The following OVOL2 variants were observed in gnomAD, a reference collection of about 807,000 sequenced individuals.
The protein encoded by OVOL2 is ovo like zinc finger 2.
Under a neutral mutation model 18.1 loss-of-function variants are expected in OVOL2, and 13 were observed. The observed-to-expected ratio is 0.72, with a 90% CI of 0.47 to 1.14. The LOEUF (loss-of-function observed/expected upper bound fraction) is 1.14, where lower values mean the gene tolerates loss of function less well. OVOL2 is among the 50% of genes most tolerant of loss of function. The pLI is 0.00. For missense variants in OVOL2, 335 were observed against 383.0 expected, an observed-to-expected ratio of 0.87 and a Z score of 1.05; for synonymous variants, 166 against 162.7, an observed-to-expected ratio of 1.02 and a Z score of -0.16.
Position 18,057,020 on chromosome 20 carries a change from C to A in OVOL2, c.101-143G>T. 1 of 944,978 alleles carries A rather than the reference C, an allele frequency of 1.1e-6. No individual in the cohort carries two copies. The highest frequency in any genetic ancestry group is 1.5e-6 in the Non-Finnish European group (1 of 688,740). The allele number at this position is 944,978 out of a possible 1,614,324, so 58.5% of individuals were successfully genotyped here. On this transcript the variant is annotated intron_variant, in intron 1 of 3. Coordinates refer to ENST00000278780, the MANE Select transcript of OVOL2 (RefSeq NM_021220.4). This position sits in a 1 kb window ranked among gnomAD's most constrained non-coding sequence, Gnocchi z 6.3. The stretch of plus-strand genomic sequence containing the variant: ...AAGTGGGCAACGTCGCGGGGGAGGC[C>A]AGTAAGCCCCGAATCGGCCCACAGA...
At chr20:18,044,578 C>T (rs146627284) in intron 2 of OVOL2, among the ~76,000 whole-genome samples, 486 of 152,230 alleles carry the variant, frequency 3.2e-3, no homozygotes, top group African/African-American at 0.011. Context: ...TTGATAAGTC[C>T]CTGATCTGTG....
intron 2 of OVOL2, among the ~76,000 whole-genome samples, chr20:18,052,039 C>G (rs558564224): frequency 6.6e-6 from 1 of 152,280 alleles, no homozygotes; most frequent in Non-Finnish European, 1.5e-5. Flanking sequence ...GGCGCCTGGT[C>G]TAATTGTTAA....
At chr20:18,036,907 C>T (rs1031080030) in intron 3 of OVOL2, among the ~76,000 whole-genome samples, 6 of 152,000 alleles carry the variant, frequency 3.9e-5, no homozygotes, top group African/African-American at 9.7e-5. Flanking sequence ...GAGGCCGAGG[C>T]GGGCGGATCA....
chr20:18,045,318 C>T (rs927558791), intron 2 of OVOL2, among the ~76,000 whole-genome samples: 9 of 152,206 alleles, frequency 5.9e-5, no homozygotes, highest in African/African-American at 2.2e-4. Context: ...GACAATTACC[C>T]TGGTAATTCC....
At chr20:18,026,671 G>A (rs531211987) in intron 3 of OVOL2, among the ~76,000 whole-genome samples, 66 of 152,238 alleles carry the variant, frequency 4.3e-4, no homozygotes, top group African/African-American at 1.5e-3. Flanking sequence ...GTGAGCCACC[G>A]CGCCGGGCCC....
At chr20:18,040,830 C>T (rs1386658771) in intron 3 of OVOL2, among the ~76,000 whole-genome samples, 2 of 152,166 alleles carry the variant, frequency 1.3e-5, no homozygotes, top group Non-Finnish European at 2.9e-5. Flanking sequence ...AGGAGGAACA[C>T]GATGCTATCC....
Position 18,045,113 on chromosome 20 carries a change from C to T in OVOL2, c.322-3390G>A, listed in dbSNP as rs564461840. ...CTCACTCCCCAGAACTGCAGCTGCC[C>T]ACCTCTACCCAAGGCTTTCCTATCA... On this transcript the variant is annotated intron_variant, in intron 2 of 3. Coordinates refer to ENST00000278780, the MANE Select transcript of OVOL2 (RefSeq NM_021220.4). Among the ~76,000 whole-genome samples, 155 of 152,306 alleles carry T rather than the reference C, an allele frequency of 1.0e-3. 1 individual carries two copies. Among genetic ancestry groups the T allele is most frequent in the African/African-American group, 3.4e-3 (141 of 41,560 alleles).
At chr20:18,032,754 G>T (rs956067830) in intron 3 of OVOL2, among the ~76,000 whole-genome samples, 3 of 152,032 alleles carry the variant, frequency 2.0e-5, no homozygotes, top group African/African-American at 7.2e-5. Flanking sequence ...TGATCAGCCC[G>T]CCTCGGCCTC....
Position 18,024,402 on chromosome 20 carries a change from A to T in OVOL2, c.*234T>A, listed in dbSNP as rs1320670075. 2.5e-6 allele frequency: 2 copies of T among 808,106 alleles called. No individual in the cohort carries two copies. The highest frequency in any genetic ancestry group is 3.4e-6 in the Non-Finnish European group (2 of 580,836). 50.1% of individuals were successfully genotyped at this position (808,106 alleles called of 1,614,324 possible). A position where few individuals can be genotyped will look rare whatever the true frequency, so the allele number is the denominator to read the frequency against. On this transcript the variant is annotated 3_prime_UTR_variant, in exon 4 of 4. Transcript: ENST00000278780. ...CTTGGCCATCAGGATCATGAAAACA[A>T]ACTTTGGTGAATGTGAGCAACTGCG...
rs555102720 is a variant in OVOL2, at chr20:18,041,903, C to CT, written c.322-181dup. ...GTAACAACTGGCAGTTCCTCCCACC[C>CT]TTTTTTTTTTTTTTTTTTCTTTTTG... On this transcript the variant is annotated intron_variant, in intron 2 of 3. Coordinates refer to ENST00000278780, the MANE Select transcript of OVOL2 (RefSeq NM_021220.4). Among the ~76,000 whole-genome samples the CT allele has an allele frequency of 2.2e-3, 280 of 128,022 alleles. 1 individual carries two copies. The highest frequency in any genetic ancestry group is 8.1e-3 in the Middle Eastern group (2 of 248). The allele number at this position is 128,022 out of a possible 152,430, so 84.0% of individuals were successfully genotyped here.
chr20:18,028,469 G>T (rs1051047882), intron 3 of OVOL2, among the ~76,000 whole-genome samples: 7 of 151,986 alleles, frequency 4.6e-5, no homozygotes, highest in African/African-American at 1.7e-4. Flanking sequence ...GAACCACCGT[G>T]CCTGGCCCTA....
chr20:18,038,082 C>A (rs1007373351), intron 3 of OVOL2, among the ~76,000 whole-genome samples: 2 of 152,210 alleles, frequency 1.3e-5, no homozygotes, highest in Non-Finnish European at 2.9e-5. Flanking sequence ...AAGGCACCTC[C>A]CAGGACTCCC....
At chr20:18,051,823 C>A (rs2036773935) in intron 2 of OVOL2, among the ~76,000 whole-genome samples, 1 of 152,178 alleles carries the variant, frequency 6.6e-6, no homozygotes, top group Non-Finnish European at 1.5e-5. Context: ...ATCTCCACCT[C>A]CTGGGTTCAA....
At chr20:18,039,834 T>A (rs2036653320) in intron 3 of OVOL2, among the ~76,000 whole-genome samples, 1 of 152,108 alleles carries the variant, frequency 6.6e-6, no homozygotes, top group Non-Finnish European at 1.5e-5. Context: ...GCTGAGTAGC[T>A]GGGAGCCCCA....
chr20:18,030,258 C>T (rs2036556243), intron 3 of OVOL2, among the ~76,000 whole-genome samples: 2 of 152,212 alleles, frequency 1.3e-5, no homozygotes, highest in Non-Finnish European at 2.9e-5. Flanking sequence ...GCTCCCACTA[C>T]CCAGTAGATC....
rs2036489733 is a variant in OVOL2, at chr20:18,024,460, C to A, written c.*176G>T. On this transcript the variant is annotated 3_prime_UTR_variant, in exon 4 of 4. Transcript: ENST00000278780. The stretch of plus-strand genomic sequence containing the variant: ...GGACACAGGTTACAGGGCCTGACGT[C>A]ACTAACGGCAACTGACAATCTTGGA... The A allele has an allele frequency of 7.4e-7, 1 of 1,356,392 alleles. No individual in the cohort carries two copies. 84.0% of individuals were successfully genotyped at this position (1,356,392 alleles called of 1,614,324 possible).
intron 2 of OVOL2, among the ~76,000 whole-genome samples, chr20:18,047,432 C>T (rs1317473798): frequency 2.0e-5 from 3 of 149,494 alleles, no homozygotes; most frequent in Admixed American, 1.3e-4. Flanking sequence ...ATCGTTTGAA[C>T]CCGGGAGGCG....
chr20:18,046,559 A>C (rs371032626), intron 2 of OVOL2, among the ~76,000 whole-genome samples: 1 of 152,170 alleles, frequency 6.6e-6, no homozygotes, highest in African/African-American at 2.4e-5. Flanking sequence ...TCATCTATTA[A>C]ATTTGGAGAT....
At chr20:18,057,983 G>A (rs1248155810), upstream of OVOL2, 1 of 766,112 alleles carries the variant, frequency 1.3e-6, no homozygotes, top group Non-Finnish European at 1.7e-6. The surrounding 1 kb of genome is among the most constrained non-coding windows in gnomAD (Gnocchi z 6.3). Flanking sequence ...ACCGGTTCCG[G>A]CGGCCGGGGC....
Sources: gnomAD v4.1 joint callset for allele counts (sites outside exome capture counted in the v4.1 genomes callset) on GRCh38, gnomAD v4.1.1 for gene constraint, Gnocchi (gnomAD v3.1) non-coding constraint, MANE v1.5 for transcripts, NCBI Gene and HGNC (gene_info 2026-07-23, HGNC 2026-07-21) for gene names.